The following NTM variants were observed in gnomAD, a reference collection of about 807,000 sequenced individuals.
The protein encoded by NTM is IgLON family member 2.
NTM carries 13 observed loss-of-function variants against 42.1 expected under a neutral mutation model. That is an observed-to-expected ratio of 0.31 (90% CI 0.20 to 0.49). NTM has a LOEUF of 0.49. NTM is among the 20% of genes least tolerant of loss of function. The probability of loss-of-function intolerance (pLI) is 0.99; values close to 1 mark genes in which losing one functional copy is unlikely to be tolerated. For missense variants in NTM, 373 were observed against 452.8 expected (o/e 0.82, Z 1.60); for synonymous variants, 187 against 179.2 (o/e 1.04, Z -0.35).
At chr11:132,265,261 A>G (rs976487757) in intron 4 of NTM, among the ~76,000 whole-genome samples, 12 of 152,202 alleles carry the variant, frequency 7.9e-5, no homozygotes, top group African/African-American at 2.7e-4. Context: ...AGCCAGATAT[A>G]TTTTTATTAA....
intron 4 of NTM, among the ~76,000 whole-genome samples, chr11:132,303,586 G>A (rs2094946231): frequency 6.6e-6 from 1 of 152,098 alleles, no homozygotes; most frequent in Non-Finnish European, 1.5e-5. Flanking sequence ...CTGATGGTTA[G>A]GATCTCAACA....
intron 1 of NTM, among the ~76,000 whole-genome samples, chr11:131,646,241 A>G (rs1339479209): frequency 6.6e-6 from 1 of 152,250 alleles, no homozygotes; most frequent in Non-Finnish European, 1.5e-5. Context: ...TGTGGTTGCT[A>G]TCATGAGACA....
chr11:131,684,667 T>G (rs2073571248), intron 1 of NTM, among the ~76,000 whole-genome samples: 1 of 152,248 alleles, frequency 6.6e-6, no homozygotes. Flanking sequence ...CAGCTCATCA[T>G]GCCACCTCCC....
chr11:131,930,433 G>A (rs1257304694), intron 2 of NTM, among the ~76,000 whole-genome samples: 1 of 152,120 alleles, frequency 6.6e-6, no homozygotes, highest in African/African-American at 2.4e-5. Flanking sequence ...ATGCTTCCTC[G>A]AGGAGCACAA....
intron 6 of NTM, among the ~76,000 whole-genome samples, chr11:132,311,725 C>T (rs756504786): frequency 6.6e-5 from 10 of 152,142 alleles, no homozygotes; most frequent in Admixed American, 2.0e-4. Context: ...TCATCAGCTG[C>T]GTCCTATTAT....
chr11:131,935,429 T>G (rs778447207), intron 2 of NTM, among the ~76,000 whole-genome samples: 8 of 152,340 alleles, frequency 5.3e-5, no homozygotes, highest in Non-Finnish European at 1.0e-4. Context: ...GATTGATTTC[T>G]TGTGTTTATT....
At chr11:132,287,987 G>A (rs2094314290) in intron 4 of NTM, among the ~76,000 whole-genome samples, 1 of 152,208 alleles carries the variant, frequency 6.6e-6, no homozygotes, top group Non-Finnish European at 1.5e-5. Context: ...GATATACATT[G>A]TCCCTAGAGA....
At chr11:131,968,262 C>G (rs923166674) in intron 2 of NTM, among the ~76,000 whole-genome samples, 1 of 152,128 alleles carries the variant, frequency 6.6e-6, no homozygotes, top group African/African-American at 2.4e-5. Context: ...AACCAAGAAT[C>G]AAACCAATTT....
intron 2 of NTM, among the ~76,000 whole-genome samples, chr11:132,054,380 C>T (rs183732386): frequency 3.1e-3 from 475 of 152,318 alleles, no homozygotes; most frequent in Non-Finnish European, 6.1e-3. Context: ...TTAAACGAAG[C>T]TGTAGATTTA....
At chr11:132,259,025 C>T (rs977132207) in intron 4 of NTM, among the ~76,000 whole-genome samples, 1 of 152,132 alleles carries the variant, frequency 6.6e-6, no homozygotes, top group African/African-American at 2.4e-5. Context: ...TATTACTCAT[C>T]TCTTTGTGAT....
intron 1 of NTM, among the ~76,000 whole-genome samples, chr11:131,563,256 G>A (rs1357625764): frequency 6.6e-6 from 1 of 152,116 alleles, no homozygotes; most frequent in Non-Finnish European, 1.5e-5. Context: ...CTCCAATTTT[G>A]CTTCTGAGGC....
intron 1 of NTM, among the ~76,000 whole-genome samples, chr11:131,475,933 C>T: frequency 6.6e-6 from 1 of 152,074 alleles, no homozygotes; most frequent in East Asian, 1.9e-4. Context: ...ACCTATTATG[C>T]AGACACTGAG....
intron 1 of NTM, among the ~76,000 whole-genome samples, chr11:131,586,818 T>C (rs1450040342): frequency 6.6e-6 from 1 of 152,208 alleles, no homozygotes; most frequent in Non-Finnish European, 1.5e-5. Context: ...AGCTTCAGCA[T>C]GAAGAGACTG....
intron 1 of NTM, among the ~76,000 whole-genome samples, chr11:131,854,914 T>C (rs894686012): frequency 1.4e-4 from 21 of 152,078 alleles, no homozygotes; most frequent in African/African-American, 4.6e-4. Context: ...TCAAACTGCT[T>C]AGCAAATAAT....
intron 3 of NTM, among the ~76,000 whole-genome samples, chr11:132,147,422 A>G (rs1271503561): frequency 1.3e-5 from 2 of 152,016 alleles, no homozygotes; most frequent in African/African-American, 2.4e-5. Flanking sequence ...TCAAGTTATT[A>G]CCGTGTCTCA....
intron 1 of NTM, among the ~76,000 whole-genome samples, chr11:131,663,878 A>G (rs1445876736): frequency 6.6e-6 from 1 of 152,236 alleles, no homozygotes; most frequent in Non-Finnish European, 1.5e-5. Flanking sequence ...AAGAAAATCC[A>G]GGCTTAAAGC....
chr11:131,859,106 G>C (rs1193050062), intron 1 of NTM, among the ~76,000 whole-genome samples: 2 of 152,104 alleles, frequency 1.3e-5, no homozygotes, highest in African/African-American at 4.8e-5. Flanking sequence ...GTCCATCCAT[G>C]TGTGCATCCG....
intron 1 of NTM, among the ~76,000 whole-genome samples, chr11:131,798,133 G>A (rs757908090): frequency 2.6e-5 from 4 of 152,192 alleles, no homozygotes; most frequent in African/African-American, 9.7e-5. Context: ...CAAGAAAAGG[G>A]TAGTAATAAT....
intron 2 of NTM, among the ~76,000 whole-genome samples, chr11:131,971,201 T>C (rs1410891607): frequency 1.3e-5 from 2 of 152,362 alleles, no homozygotes; most frequent in East Asian, 3.9e-4. Context: ...AGTGCCCATC[T>C]GCATGCATCT....
Sources: allele counts gnomAD v4.1 joint callset (sites outside exome capture counted in the v4.1 genomes callset), GRCh38; gene constraint gnomAD v4.1.1; transcripts MANE v1.5; gene names NCBI Gene and HGNC (gene_info 2026-07-23, HGNC 2026-07-21).